The following TCHP variants were observed in gnomAD, a reference collection of about 807,000 sequenced individuals.
TCHP encodes the protein trichoplein keratin filament binding.
A neutral mutation model predicts 88.7 loss-of-function variants in TCHP; 81 were observed. That is an observed-to-expected ratio of 0.91 (90% confidence interval 0.76 to 1.10). The LOEUF (loss-of-function observed/expected upper bound fraction) is 1.10, where lower values mean the gene tolerates loss of function less well. Among genes scored for constraint, TCHP ranks in the 50% least tolerant of loss-of-function variants. TCHP has a pLI of 0.00. For synonymous variants in TCHP, 232 were observed against 232.5 expected (o/e 1.00, Z 0.02); for missense variants, 641 against 632.1 (o/e 1.01, Z -0.15).
rs184702109 is a variant in TCHP, at chr12:109,903,059, C to G, written c.33C>G (p.Cys11Trp). 1.2e-6 allele frequency: 2 copies of G among 1,612,490 alleles called. No individual in the cohort carries two copies. The highest frequency in any genetic ancestry group is 2.2e-5 in the East Asian group (1 of 44,860). The change falls in exon 2 of 13, where the codon TGC (cysteine) becomes TGG (tryptophan). Residue 11 changes from cysteine to tryptophan, a missense_variant. Transcript: ENST00000405876. This position sits in a 1 kb window ranked among gnomAD's most constrained non-coding sequence, Gnocchi z 4.6. ...TCCCGACGCTGCCGTCCTACTGGTG[C>G]AGCCAGCAGCGCCTGAATCAGCAGC... is the stretch of plus-strand genomic sequence containing the variant. MALPTLPSYW[C>W]SQQRLNQQLA... is the part of the protein sequence containing the mutation.
At chr12:109,911,837 C>T (rs1870516195) in intron 9 of TCHP, among the ~76,000 whole-genome samples, 1 of 151,596 alleles carries the variant, frequency 6.6e-6, no homozygotes, top group South Asian at 2.1e-4. Context: ...TGCTCTGTCA[C>T]CCAGGCTGGA....
At position 109,903,780 on chromosome 12, in the gene TCHP, A is replaced by G. The variant is rs983228005; in HGVS notation, c.189-157A>G. 1.3e-5 allele frequency among the ~76,000 whole-genome samples: 2 copies of G among 152,210 alleles called. No individual in the cohort carries two copies. Among genetic ancestry groups the G allele is most frequent in the Non-Finnish European group, 2.9e-5 (2 of 68,042 alleles). On this transcript the variant is annotated intron_variant, in intron 2 of 12. Coordinates refer to ENST00000405876, the MANE Select transcript of TCHP (RefSeq NM_001143852.2). This position sits in a 1 kb window ranked among gnomAD's most constrained non-coding sequence, Gnocchi z 4.6. ...CAAAAAACAAGATTTTCTCTTACAC[A>G]TACTATTCTGTGACCTGCTGTCTCT...
At chr12:109,906,688 CTG>C (rs1870150500) in intron 5 of TCHP, 48 bp downstream of exon 5, 10 of 1,488,444 alleles carry the variant, frequency 6.7e-6, no homozygotes, top group Non-Finnish European at 8.3e-6. Flanking sequence ...CTGTGCGAGA[CTG>C]TTCACGTCTT....
At chr12:109,900,166 C>T (rs772842391), upstream of TCHP, 4 of 152,250 alleles carry the variant, frequency 2.6e-5, no homozygotes, top group Admixed American at 6.5e-5. Flanking sequence ...TTCCCTATTT[C>T]AAGGAGCAGC....
intron 1 of TCHP, among the ~76,000 whole-genome samples, chr12:109,901,399 A>C (rs1869785267): frequency 6.9e-6 from 1 of 145,488 alleles, no homozygotes; most frequent in African/African-American, 2.7e-5. Context: ...GCTCTCCCTT[A>C]GTTGAGAAAG....
At chr12:109,898,989 T>G (rs1231449629), upstream of TCHP, among the ~76,000 whole-genome samples, 1 of 152,066 alleles carries the variant, frequency 6.6e-6, no homozygotes, top group Non-Finnish European at 1.5e-5. Flanking sequence ...CGGCTAATTT[T>G]TGTATTTTTA....
upstream of TCHP, among the ~76,000 whole-genome samples, chr12:109,895,825 T>C (rs1869545269): frequency 6.6e-6 from 1 of 152,162 alleles, no homozygotes; most frequent in Non-Finnish European, 1.5e-5. Flanking sequence ...AAATCACAAG[T>C]CCTGGAGCAG....
At chr12:109,882,316 C>T in the TCHP span, among the ~76,000 whole-genome samples, 47 of 151,810 alleles carry the variant, frequency 3.1e-4, 1 homozygote, top group Non-Finnish European at 6.0e-4. Flanking sequence ...GCCTGTAATC[C>T]CAGCTACTCA....
At position 109,903,964 on chromosome 12, in the gene TCHP, G is replaced by A. The variant is rs1414311814; in HGVS notation, c.216G>A (p.Met72Ile). ...RSMHAYQREK[M>I]KEEKRRSLEA... ...TGCATGCCTATCAGCGGGAGAAGAT[G>A]AAGGAGGAGAAGAGGAGGAGTCTGG... Residue 72 changes from methionine to isoleucine, a missense_variant, in exon 3 of 13, where the codon ATG becomes ATA. Transcript: ENST00000405876. This position sits in a 1 kb window ranked among gnomAD's most constrained non-coding sequence, Gnocchi z 4.6. The A allele has an allele frequency of 6.2e-7, 1 of 1,610,042 alleles. No individual in the cohort carries two copies. The highest frequency in any genetic ancestry group is 8.5e-7 in the Non-Finnish European group (1 of 1,178,652).
Position 109,916,689 on chromosome 12 carries a change from G to C in TCHP, c.*66G>C. 1.3e-6 allele frequency: 2 copies of C among 1,535,864 alleles called. No individual in the cohort carries two copies. Among genetic ancestry groups the C allele is most frequent in the Non-Finnish European group, 1.8e-6 (2 of 1,118,272 alleles). Reference sequence around the variant, plus strand: ...GGCTTCTGATCCCAGCCGCCAGGCAGTTTTACAGGGCTCTGTTAACAGTAA... The same window carrying C: ...GGCTTCTGATCCCAGCCGCCAGGCACTTTTACAGGGCTCTGTTAACAGTAA... On this transcript the variant is annotated 3_prime_UTR_variant, in exon 13 of 13. Coordinates refer to ENST00000405876, the MANE Select transcript of TCHP (RefSeq NM_001143852.2).
chr12:109,888,816 T>C, the TCHP span, among the ~76,000 whole-genome samples: 7 of 152,330 alleles, frequency 4.6e-5, no homozygotes, highest in South Asian at 1.2e-3. Flanking sequence ...ACAATCAAAA[T>C]GTATTCTCTC....
the TCHP span, among the ~76,000 whole-genome samples, chr12:109,883,135 G>A: frequency 6.6e-6 from 1 of 151,094 alleles, no homozygotes; most frequent in Non-Finnish European, 1.5e-5. Flanking sequence ...CTGGGCTCAA[G>A]GGATTCTCCC....
At chr12:109,909,537 C>T (rs372500636) in intron 8 of TCHP, among the ~76,000 whole-genome samples, 4 of 152,198 alleles carry the variant, frequency 2.6e-5, no homozygotes, top group East Asian at 1.9e-4. Context: ...TTAAAAAGAT[C>T]GGCCAGGTGC....
At position 109,909,023 on chromosome 12, in the gene TCHP, G is replaced by A. The variant is rs545133175; in HGVS notation, c.879+86G>A. ...TTGCTTAGTATATGAGTGCATTCTCGTAAGAATGAAGACAGTGAGGGGTTG... is the reference window on the plus strand; with the variant it reads ...TTGCTTAGTATATGAGTGCATTCTCATAAGAATGAAGACAGTGAGGGGTTG... On this transcript the variant is annotated intron_variant, in intron 8 of 12. Transcript: ENST00000405876. The A allele has an allele frequency of 4.0e-5, 52 of 1,287,142 alleles. No homozygotes were observed. In the African/African-American group the frequency reaches 4.3e-4, roughly 11 times the overall value. The allele number at this position is 1,287,142 out of a possible 1,614,324, so 79.7% of individuals were successfully genotyped here.
the TCHP span, among the ~76,000 whole-genome samples, chr12:109,884,761 G>C: frequency 6.6e-6 from 1 of 152,106 alleles, no homozygotes; most frequent in Non-Finnish European, 1.5e-5. Context: ...CAGTCACAAG[G>C]TTTCCTTCCT....
the TCHP span, among the ~76,000 whole-genome samples, chr12:109,887,354 A>G: frequency 1.3e-5 from 2 of 148,940 alleles, no homozygotes; most frequent in African/African-American, 5.0e-5. Flanking sequence ...CACAGGAGGC[A>G]GAGGTTGCAG....
chr12:109,907,134 C>T (rs1870180010), intron 5 of TCHP, among the ~76,000 whole-genome samples: 1 of 152,208 alleles, frequency 6.6e-6, no homozygotes, highest in African/African-American at 2.4e-5. Flanking sequence ...ACGATTCTCC[C>T]ACCTCGGCCT....
At chr12:109,889,876 C>T in the TCHP span, among the ~76,000 whole-genome samples, 6 of 152,200 alleles carry the variant, frequency 3.9e-5, no homozygotes, top group East Asian at 1.9e-4. Context: ...GTTGAGCCAA[C>T]TCCTCTGGGT....
chr12:109,890,510 TA>T, the TCHP span, among the ~76,000 whole-genome samples: 5 of 150,126 alleles, frequency 3.3e-5, no homozygotes, highest in East Asian at 7.8e-4. Context: ...TTCTTTTTTC[TA>T]TTTTTTTTTT....
Sources: allele counts gnomAD v4.1 joint callset (sites outside exome capture counted in the v4.1 genomes callset), GRCh38; gene constraint gnomAD v4.1.1; non-coding constraint Gnocchi (gnomAD v3.1); transcripts MANE v1.5; gene names NCBI Gene and HGNC (gene_info 2026-07-23, HGNC 2026-07-21).